MDGA2: variants seen among roughly 807,000 people sequenced by gnomAD.
The protein encoded by MDGA2 is MAM domain-containing glycosylphosphatidylinositol anchor protein 2.
A neutral mutation model predicts 117.8 loss-of-function variants in MDGA2; 40 were observed. The observed-to-expected ratio is 0.34, with a 90% confidence interval of 0.26 to 0.44. The LOEUF (loss-of-function observed/expected upper bound fraction) is 0.44. MDGA2 is among the 20% of genes least tolerant of loss of function. The probability of loss-of-function intolerance (pLI) is 1.00; values close to 1 mark genes in which losing one functional copy is unlikely to be tolerated. For synonymous variants in MDGA2, 452 were observed against 439.0 expected (o/e 1.03, Z -0.37); for missense variants, 1,123 against 1,250.6 (o/e 0.90, Z 1.54).
chr14:47,100,739 A>T (rs989472267), intron 5 of MDGA2, among the ~76,000 whole-genome samples: 10 of 152,214 alleles, frequency 6.6e-5, no homozygotes, highest in African/African-American at 2.4e-4. Flanking sequence ...TAAAGTAAAA[A>T]AGAGGGAAAC....
At chr14:47,385,154 A>C (rs2138425736) in intron 1 of MDGA2, among the ~76,000 whole-genome samples, 1 of 152,254 alleles carries the variant, frequency 6.6e-6, no homozygotes, top group South Asian at 2.1e-4. Context: ...AGATTTATAA[A>C]ATTATACTAT....
chr14:46,923,483 TAA>T (rs1884211036), intron 9 of MDGA2, among the ~76,000 whole-genome samples: 1 of 152,070 alleles, frequency 6.6e-6, no homozygotes, highest in Admixed American at 6.5e-5. Flanking sequence ...GATTAGAAAA[TAA>T]AGTTTTTTTT....
At position 47,519,015 on chromosome 14, in the gene MDGA2, C is replaced by T. The variant is rs140206335; in HGVS notation, c.280+155502G>A. ...GGTCAGGAGTTCGAGATCAAACTGG[C>T]AAACATGGTGAAACCCCGTCTCTAC... On this transcript the variant is annotated intron_variant, in intron 1 of 16. Coordinates refer to ENST00000399232, the MANE Select transcript of MDGA2 (RefSeq NM_001113498.3). Among the ~76,000 whole-genome samples the T allele has an allele frequency of 6.6e-3, 999 of 152,152 alleles. 15 individuals carry two copies. The highest frequency in any genetic ancestry group is 0.023 in the African/African-American group (958 of 41,520).
At chr14:47,185,836 G>A (rs1884889175) in intron 3 of MDGA2, among the ~76,000 whole-genome samples, 1 of 151,424 alleles carries the variant, frequency 6.6e-6, no homozygotes, top group African/African-American at 2.4e-5. Context: ...TTTGATGTTT[G>A]GAAATTGAGT....
chr14:47,296,750 T>C (rs1399233489), intron 2 of MDGA2, among the ~76,000 whole-genome samples: 1 of 152,210 alleles, frequency 6.6e-6, no homozygotes, highest in Non-Finnish European at 1.5e-5. Context: ...AAGATGTACA[T>C]ACAGGCAACA....
In MDGA2 at chr14:47,543,986, T is replaced by C. The variant is rs547135744; in HGVS notation, c.280+130531A>G. On this transcript the variant is annotated intron_variant, in intron 1 of 16. Transcript: ENST00000399232. ...TAATCCAGTGTCTTTCCATTATATT[T>C]ACTAGGAAACATTTAGCCAAACTTC... Among the ~76,000 whole-genome samples, 4 of 152,332 alleles carry C rather than the reference T, an allele frequency of 2.6e-5. No homozygotes were observed. The East Asian group carries it at 7.7e-4, about 29-fold the overall frequency.
intron 10 of MDGA2, among the ~76,000 whole-genome samples, chr14:46,908,841 A>G (rs940542203): frequency 6.6e-6 from 1 of 152,172 alleles, no homozygotes; most frequent in African/African-American, 2.4e-5. Context: ...TTGAAATTAG[A>G]TTCCTTCTTT....
At chr14:47,170,473 T>C (rs1188152315) in intron 3 of MDGA2, among the ~76,000 whole-genome samples, 3 of 152,070 alleles carry the variant, frequency 2.0e-5, no homozygotes, top group Non-Finnish European at 4.4e-5. Flanking sequence ...ATCATTGTCA[T>C]TTTATAGGTG....
rs571949412 is a variant in MDGA2, at chr14:47,008,683, G to A, written c.1819+26328C>T. Among the ~76,000 whole-genome samples, 17 of 151,900 alleles carry A rather than the reference G, an allele frequency of 1.1e-4. No individual in the cohort carries two copies. In the East Asian group the frequency reaches 1.7e-3, roughly 16 times the overall value. The stretch of plus-strand genomic sequence containing the variant: ...GTCACTTAAACTTTTAAGCTATAAC[G>A]TCATTGTCTATAAAATATCTGCCCT... On this transcript the variant is annotated intron_variant, in intron 8 of 16. Transcript: ENST00000399232.
intron 2 of MDGA2, among the ~76,000 whole-genome samples, chr14:47,260,925 A>G (rs1485572724): frequency 2.0e-5 from 3 of 152,082 alleles, no homozygotes; most frequent in African/African-American, 7.2e-5. Flanking sequence ...GACAGATTAT[A>G]TTTGGCTTTA....
intron 6 of MDGA2, among the ~76,000 whole-genome samples, chr14:47,082,825 G>A (rs952778760): frequency 6.6e-6 from 1 of 151,750 alleles, no homozygotes; most frequent in African/African-American, 2.4e-5. Context: ...AGGATACAAA[G>A]CTGGGAAAAG....
At chr14:47,488,583 T>C (rs1202916127) in intron 1 of MDGA2, among the ~76,000 whole-genome samples, 2 of 152,112 alleles carry the variant, frequency 1.3e-5, no homozygotes, top group African/African-American at 4.8e-5. Context: ...AAAATGAGCA[T>C]AAGCAAGGAA....
chr14:47,339,874 A>C (rs1386602499), intron 1 of MDGA2, among the ~76,000 whole-genome samples: 1 of 152,202 alleles, frequency 6.6e-6, no homozygotes, highest in African/African-American at 2.4e-5. Context: ...TTACATAAGC[A>C]TATGTATATA....
chr14:47,469,294 T>C (rs1893669032), intron 1 of MDGA2, among the ~76,000 whole-genome samples: 1 of 152,140 alleles, frequency 6.6e-6, no homozygotes, highest in Non-Finnish European at 1.5e-5. Context: ...CTCCTAATGC[T>C]ATCCCTCCCC....
intron 6 of MDGA2, among the ~76,000 whole-genome samples, chr14:47,092,057 T>C (rs1174272151): frequency 6.6e-6 from 1 of 152,170 alleles, no homozygotes. Flanking sequence ...CCCAGGCTAC[T>C]TTATCTAATA....
intron 12 of MDGA2, among the ~76,000 whole-genome samples, chr14:46,876,909 A>G (rs1882254353): frequency 6.6e-6 from 1 of 151,612 alleles, no homozygotes; most frequent in Admixed American, 6.6e-5. Flanking sequence ...ATATGGGAAT[A>G]TTTTTCAGGT....
chr14:47,391,002 G>A (rs775393863), intron 1 of MDGA2, among the ~76,000 whole-genome samples: 1 of 152,016 alleles, frequency 6.6e-6, no homozygotes, highest in Non-Finnish European at 1.5e-5. Context: ...GCCAGCCCTT[G>A]CATATTTACA....
chr14:46,960,979 T>C lies in MDGA2; in HGVS notation c.1820-3336A>G, dbSNP rs1476167826. Among the ~76,000 whole-genome samples the C allele has an allele frequency of 3.3e-5, 5 of 150,920 alleles. No homozygotes were observed. In the South Asian group the frequency reaches 1.0e-3, roughly 32 times the overall value. The stretch of plus-strand genomic sequence containing the variant: ...ACACACACACACACACATAAAACAT[T>C]AAAAGGTATTTTCCTTGTAGGTTGG... On this transcript the variant is annotated intron_variant, in intron 8 of 16. Coordinates refer to ENST00000399232, the MANE Select transcript of MDGA2 (RefSeq NM_001113498.3).
intron 1 of MDGA2, among the ~76,000 whole-genome samples, chr14:47,323,557 G>A (rs1262646856): frequency 6.6e-6 from 1 of 151,868 alleles, no homozygotes; most frequent in Non-Finnish European, 1.5e-5. Context: ...TCTTGAGCCT[G>A]GGAGGTGGAG....
Sources: gnomAD v4.1 joint callset for allele counts (sites outside exome capture counted in the v4.1 genomes callset) on GRCh38, gnomAD v4.1.1 for gene constraint, MANE v1.5 for transcripts, NCBI Gene and HGNC (gene_info 2026-07-23, HGNC 2026-07-21) for gene names.